Variants in OR2AG1 observed in about 807,000 individuals in gnomAD.
OR2AG1 encodes olfactory receptor family 2 subfamily AG member 1.
For missense variants in OR2AG1, 391 were observed against 385.9 expected (o/e 1.01, Z -0.11); for synonymous variants, 157 against 155.6 (o/e 1.01, Z -0.07).
Position 6,785,114 on chromosome 11 carries a change from T to G in OR2AG1, c.77T>G (p.Leu26Arg), listed in dbSNP as rs1365114755. The G allele has an allele frequency of 6.2e-7, 1 of 1,614,156 alleles. No homozygotes were observed. Among genetic ancestry groups the G allele is most frequent in the Non-Finnish European group, 8.5e-7 (1 of 1,180,000 alleles). Residue 26 changes from leucine (L) to arginine (R), a missense_variant, in exon 2 of 2, where the codon CTG (leucine) becomes CGG (arginine). Coordinates refer to ENST00000641258, the MANE Select transcript of OR2AG1 (RefSeq NM_001004489.3). ...GILNDSGSPE[L>R]LCATITILYL... Reference sequence around the variant, plus strand: ...CTGAATGACAGTGGGTCTCCTGAACTGCTCTGTGCTACAATTACAATCCTA... The same window carrying G: ...CTGAATGACAGTGGGTCTCCTGAACGGCTCTGTGCTACAATTACAATCCTA...
In OR2AG1 at chr11:6,786,034, A is replaced by G. The variant is rs1439501137; in HGVS notation, c.*46A>G. 3 of 1,443,200 alleles carry G rather than the reference A, an allele frequency of 2.1e-6. No individual in the cohort carries two copies. The highest frequency in any genetic ancestry group is 2.9e-6 in the Non-Finnish European group (3 of 1,047,060). 89.4% of individuals were successfully genotyped at this position (1,443,200 alleles called of 1,614,324 possible). Reference sequence around the variant, plus strand: ...CCAGAATTCCTTCTCCTGAGAGTCAAAAGATTCATGTTATGAATCAAATAC... The same window carrying G: ...CCAGAATTCCTTCTCCTGAGAGTCAGAAGATTCATGTTATGAATCAAATAC... On this transcript the variant is annotated 3_prime_UTR_variant, in exon 2 of 2. Transcript: ENST00000641258.
At position 6,785,739 on chromosome 11, in the gene OR2AG1, G is replaced by A. The variant is rs765175046; in HGVS notation, c.702G>A (p.Arg234=). Residue 234 remains arginine, a synonymous_variant, in exon 2 of 2, where the codon AGG becomes AGA. Coordinates refer to ENST00000641258, the MANE Select transcript of OR2AG1 (RefSeq NM_001004489.3). ...TCCATATGCCATCAAATGAGGGGAG[G>A]AAGAAAGCCCTTGTCACCTGCTCTT... is the stretch of plus-strand genomic sequence containing the variant. ...TVLHMPSNEG[R]KKALVTCSSH... The A allele has an allele frequency of 1.2e-6, 2 of 1,614,050 alleles. No homozygotes were observed. The highest frequency in any genetic ancestry group is 1.7e-6 in the Non-Finnish European group (2 of 1,180,028).
chr11:6,785,988 G>C lies in OR2AG1; in HGVS notation c.951G>C (p.Ter317TyrextTer13). The C allele has an allele frequency of 6.2e-7, 1 of 1,602,348 alleles. No individual in the cohort carries two copies. The highest frequency in any genetic ancestry group is 8.5e-7 in the Non-Finnish European group (1 of 1,173,484). Residue 317 changes from the stop codon to tyrosine, a stop_lost, in exon 2 of 2, where the codon TAG becomes TAC. Transcript: ENST00000641258. ...KYMLPAHSTL[*>Y] Reference sequence around the variant, plus strand: ...TGCTGCCAGCACACTCCACGCTCTAGGGAAGGATCATGGCTAGCTTCCAGA... The same window carrying C: ...TGCTGCCAGCACACTCCACGCTCTACGGAAGGATCATGGCTAGCTTCCAGA...
At chr11:6,783,656 A>C (rs1000796345) in intron 1 of OR2AG1, among the ~76,000 whole-genome samples, 185 bp downstream of exon 1, 2 of 152,222 alleles carry the variant, frequency 1.3e-5, no homozygotes, top group African/African-American at 4.8e-5. Context: ...CGAAAAGAGA[A>C]CCAATAAGGA....
At position 6,790,772 on chromosome 11, in the gene OR2AG1, C is replaced by T. The variant is rs900187972; in HGVS notation, c.*4784C>T. 6.6e-6 allele frequency: 1 copy of T among 151,884 alleles called. No homozygotes were observed. Among genetic ancestry groups the T allele is most frequent in the Admixed American group, 6.6e-5 (1 of 15,242 alleles). The allele number at this position is 151,884 out of a possible 1,614,324, so 9.4% of individuals were successfully genotyped here. A position where few individuals can be genotyped will look rare whatever the true frequency, so the allele number is the denominator to read the frequency against. On this transcript the variant is annotated 3_prime_UTR_variant, in exon 2 of 2. Coordinates refer to ENST00000641258, the MANE Select transcript of OR2AG1 (RefSeq NM_001004489.3). ...AGCCCTCTAGGCTTTCAGCCTAGAA[C>T]AGGAAGGAACGCAGAGTAATGACAG...
At position 6,787,701 on chromosome 11, in the gene OR2AG1, GTGTA is replaced by G. The variant is rs1847643247; in HGVS notation, c.*1717_*1720del. Reference sequence around the variant, plus strand: ...TGTGTGTGTATGTCTCTGTGTGTGTGTGTATGTGTGTGTGAAATCAATAATGTCA... The same window carrying G: ...TGTGTGTGTATGTCTCTGTGTGTGTGTGTGTGTGTGAAATCAATAATGTCA... On this transcript the variant is annotated 3_prime_UTR_variant, in exon 2 of 2. Transcript: ENST00000641258. 2 of 151,498 alleles carry G rather than the reference GTGTA, an allele frequency of 1.3e-5. No individual in the cohort carries two copies. Among genetic ancestry groups the G allele is most frequent in the South Asian group, 2.1e-4 (1 of 4,784 alleles). 9.4% of individuals were successfully genotyped at this position (151,498 alleles called of 1,614,324 possible).
At chr11:6,783,506 G>A (rs1847593510) in intron 1 of OR2AG1, 35 bp downstream of exon 1, 1 of 152,204 alleles carries the variant, frequency 6.6e-6, no homozygotes, top group Admixed American at 6.5e-5. Context: ...GGGAAGGTGT[G>A]CCTCTAGGTA....
rs533885030 is a variant in OR2AG1, at chr11:6,786,293, T to A, written c.*305T>A. ...GGACATGACCCCTAACCTTCGAAGTTTATATTGGATCAGGGAAAGGAAAAG... is the reference window on the plus strand; with the variant it reads ...GGACATGACCCCTAACCTTCGAAGTATATATTGGATCAGGGAAAGGAAAAG... On this transcript the variant is annotated 3_prime_UTR_variant, in exon 2 of 2. Transcript: ENST00000641258. 2.1e-5 allele frequency: 5 copies of A among 233,878 alleles called. No individual in the cohort carries two copies. Among genetic ancestry groups the A allele is most frequent in the African/African-American group, 9.0e-5 (4 of 44,502 alleles). The allele number at this position is 233,878 out of a possible 1,614,324, so 14.5% of individuals were successfully genotyped here. A position where few individuals can be genotyped will look rare whatever the true frequency, so the allele number is the denominator to read the frequency against.
Position 6,785,474 on chromosome 11 carries a change from C to T in OR2AG1, c.437C>T (p.Ala146Val). Residue 146 changes from alanine (A) to valine (V), a missense_variant, in exon 2 of 2, where the codon GCC becomes GTC. Physicochemically the swap from Ala to Val is moderately conservative, Grantham distance 64 (BLOSUM62 0). Transcript: ENST00000641258. ...MSSRACWLMV[A>V]TSWILASLSA... ...TCAAGAGCCTGCTGGCTCATGGTGG[C>T]CACGTCCTGGATCCTGGCATCCCTA... The T allele has an allele frequency of 5.0e-6, 8 of 1,614,094 alleles. No individual in the cohort carries two copies. Among genetic ancestry groups the T allele is most frequent in the Non-Finnish European group, 6.8e-6 (8 of 1,179,992 alleles).
At chr11:6,784,604 T>C (rs1395272785) in intron 1 of OR2AG1, among the ~76,000 whole-genome samples, 27 of 152,216 alleles carry the variant, frequency 1.8e-4, no homozygotes, top group Admixed American at 1.8e-3. Context: ...AAGTGCTTTA[T>C]TGAAAACCAG....
chr11:6,785,935 G>A lies in OR2AG1; in HGVS notation c.898G>A (p.Ala300Thr). The A allele has an allele frequency of 6.2e-7, 1 of 1,614,070 alleles. No individual in the cohort carries two copies. Among genetic ancestry groups the A allele is most frequent in the Non-Finnish European group, 8.5e-7 (1 of 1,179,968 alleles). ...CCTGAGGAATAAGGAGGTCATGCGGGCCTTGAGGAGGGTCCTGGGAAAATA... is the reference window on the plus strand; with the variant it reads ...CCTGAGGAATAAGGAGGTCATGCGGACCTTGAGGAGGGTCCTGGGAAAATA... ...YSLRNKEVMR[A>T]LRRVLGKYML... Residue 300 changes from alanine to threonine, a missense_variant, in exon 2 of 2, where the codon GCC (alanine) becomes ACC (threonine). Physicochemically the swap from Ala to Thr is moderately conservative, Grantham distance 58 (BLOSUM62 0). Coordinates refer to ENST00000641258, the MANE Select transcript of OR2AG1 (RefSeq NM_001004489.3).
At position 6,788,219 on chromosome 11, in the gene OR2AG1, C is replaced by T. The variant is rs1319751938; in HGVS notation, c.*2231C>T. The T allele has an allele frequency of 6.6e-6, 1 of 151,960 alleles. No homozygotes were observed. Among genetic ancestry groups the T allele is most frequent in the African/African-American group, 2.4e-5 (1 of 41,394 alleles). The allele number at this position is 151,960 out of a possible 1,614,324, so 9.4% of individuals were successfully genotyped here. A position where few individuals can be genotyped will look rare whatever the true frequency, so the allele number is the denominator to read the frequency against. On this transcript the variant is annotated 3_prime_UTR_variant, in exon 2 of 2. Coordinates refer to ENST00000641258, the MANE Select transcript of OR2AG1 (RefSeq NM_001004489.3). ...CTGTTAGGATATAATTTTCTATTCTCATTGACGTCTTTGCTGTGCATCATA... is the reference window on the plus strand; with the variant it reads ...CTGTTAGGATATAATTTTCTATTCTTATTGACGTCTTTGCTGTGCATCATA...
rs1377407985 is a variant in OR2AG1, at chr11:6,786,415, AC to A, written c.*429del. 6.3e-6 allele frequency: 1 copy of A among 159,410 alleles called. No homozygotes were observed. Among genetic ancestry groups the A allele is most frequent in the Admixed American group, 6.2e-5 (1 of 16,146 alleles). The allele number at this position is 159,410 out of a possible 1,614,324, so 9.9% of individuals were successfully genotyped here. A position where few individuals can be genotyped will look rare whatever the true frequency, so the allele number is the denominator to read the frequency against. On this transcript the variant is annotated 3_prime_UTR_variant, in exon 2 of 2. Coordinates refer to ENST00000641258, the MANE Select transcript of OR2AG1 (RefSeq NM_001004489.3). ...GATTTGCACAAATTTAGACCAACTGACCTTATTAAAAGGTTATATAGACTTC... is the reference window on the plus strand; with the variant it reads ...GATTTGCACAAATTTAGACCAACTGACTTATTAAAAGGTTATATAGACTTC...
chr11:6,783,637 T>A (rs1020592665), intron 1 of OR2AG1, among the ~76,000 whole-genome samples, 166 bp downstream of exon 1: 1 of 152,196 alleles, frequency 6.6e-6, no homozygotes, highest in Non-Finnish European at 1.5e-5. Context: ...ATTCTTAATT[T>A]TCTGAACCCG....
chr11:6,784,937 T>G, intron 1 of OR2AG1, 81 bp from the exon 2 acceptor site: 1 of 698,008 alleles, frequency 1.4e-6, no homozygotes, highest in Non-Finnish European at 2.4e-6. Flanking sequence ...TCTCAGTGGA[T>G]TCATGTCCTA....
Position 6,785,371 on chromosome 11 carries a change from G to T in OR2AG1, c.334G>T (p.Asp112Tyr). ...FLALTMGGAEDLLLAFMAYDR... is the reference protein window; with the variant it reads ...FLALTMGGAEYLLLAFMAYDR... ...GGCACTGACAATGGGTGGTGCTGAG[G>T]ACCTCCTACTGGCCTTCATGGCCTA... The change falls in exon 2 of 2, where the codon GAC becomes TAC. Residue 112 changes from aspartate (D) to tyrosine (Y), a missense_variant. By Grantham distance (160) the Asp-to-Tyr change is radical. Transcript: ENST00000641258. 6.2e-7 allele frequency: 1 copy of T among 1,614,140 alleles called. No individual in the cohort carries two copies. Among genetic ancestry groups the T allele is most frequent in the Non-Finnish European group, 8.5e-7 (1 of 1,180,032 alleles).
rs138870304 is a variant in OR2AG1, at chr11:6,785,380, C to T, written c.343C>T (p.Leu115=). 5 of 1,614,196 alleles carry T rather than the reference C, an allele frequency of 3.1e-6. No homozygotes were observed. The highest frequency in any genetic ancestry group is 4.2e-6 in the Non-Finnish European group (5 of 1,180,016). ...LTMGGAEDLL[L]AFMAYDRYVA... ...AATGGGTGGTGCTGAGGACCTCCTACTGGCCTTCATGGCCTATGACAGGTA... is the reference window on the plus strand; with the variant it reads ...AATGGGTGGTGCTGAGGACCTCCTATTGGCCTTCATGGCCTATGACAGGTA... Residue 115 remains leucine, a synonymous_variant, in exon 2 of 2, where the codon CTG becomes TTG. Coordinates refer to ENST00000641258, the MANE Select transcript of OR2AG1 (RefSeq NM_001004489.3).
At position 6,791,061 on chromosome 11, in the gene OR2AG1, C is replaced by T. The variant is rs1435776902; in HGVS notation, c.*5073C>T. On this transcript the variant is annotated 3_prime_UTR_variant, in exon 2 of 2. Transcript: ENST00000641258. ...TGCAAGAACAAAGGCCAAGGAGATGCACTTGTGTCTTGGTGAGTAGCCAAA... is the reference window on the plus strand; with the variant it reads ...TGCAAGAACAAAGGCCAAGGAGATGTACTTGTGTCTTGGTGAGTAGCCAAA... The T allele has an allele frequency of 6.6e-6, 1 of 152,176 alleles. No individual in the cohort carries two copies. Among genetic ancestry groups the T allele is most frequent in the African/African-American group, 2.4e-5 (1 of 41,454 alleles). The allele number at this position is 152,176 out of a possible 1,614,324, so 9.4% of individuals were successfully genotyped here. A position where few individuals can be genotyped will look rare whatever the true frequency, so the allele number is the denominator to read the frequency against.
rs1284956333 is a variant in OR2AG1 at position 6,791,429 on chromosome 11, AT to A, written c.*5443del. ...ACCAAGCACACGGAGATGTCCACTT[AT>A]TCTTGCTGGCACCAAATGGTGATAT... is the stretch of plus-strand genomic sequence containing the variant. On this transcript the variant is annotated 3_prime_UTR_variant, in exon 2 of 2. Transcript: ENST00000641258. 2 of 152,202 alleles carry A rather than the reference AT, an allele frequency of 1.3e-5. No individual in the cohort carries two copies. Among genetic ancestry groups the A allele is most frequent in the East Asian group, 3.9e-4 (2 of 5,192 alleles). 9.4% of individuals were successfully genotyped at this position (152,202 alleles called of 1,614,324 possible).
Sources: allele counts gnomAD v4.1 joint callset (sites outside exome capture counted in the v4.1 genomes callset), GRCh38; gene constraint gnomAD v4.1.1; transcripts MANE v1.5; gene names NCBI Gene and HGNC (gene_info 2026-07-23, HGNC 2026-07-21).